The following DLGAP2 variants were observed in gnomAD, a reference collection of about 807,000 sequenced individuals.
The protein encoded by DLGAP2 is DLG associated protein 2.
Under a neutral mutation model 100.3 loss-of-function variants are expected in DLGAP2, and 26 were observed. The ratio of observed to expected loss-of-function variants is 0.26; its 90% CI spans 0.19 to 0.36. DLGAP2 has a LOEUF of 0.36. DLGAP2 is among the 10% of genes least tolerant of loss of function. The pLI is 1.00. For synonymous variants in DLGAP2, 886 were observed against 630.1 expected (o/e 1.41, Z -6.08); for missense variants, 1,858 against 1,453.2 (o/e 1.28, Z -4.53).
chr8:857,230 C>G (rs113554104), intron 1 of DLGAP2, among the ~76,000 whole-genome samples: 80 of 152,270 alleles, frequency 5.3e-4, no homozygotes, highest in African/African-American at 1.7e-3. Flanking sequence ...AAATGCAAAA[C>G]TATAAAAGTC....
chr8:1,169,217 C>G (rs992648175), intron 2 of DLGAP2, among the ~76,000 whole-genome samples: 10 of 152,056 alleles, frequency 6.6e-5, no homozygotes, highest in African/African-American at 2.4e-4. Flanking sequence ...TTTCTGAGGG[C>G]TCTGTTCTGT....
chr8:999,255 G>A (rs931176213), intron 2 of DLGAP2, among the ~76,000 whole-genome samples: 2 of 151,472 alleles, frequency 1.3e-5, no homozygotes, highest in Non-Finnish European at 2.9e-5. Flanking sequence ...TTTTCATTTG[G>A]TGTTGTCCTT....
At chr8:1,177,885 C>G (rs572486621) in intron 2 of DLGAP2, among the ~76,000 whole-genome samples, 10 of 152,338 alleles carry the variant, frequency 6.6e-5, no homozygotes, top group Admixed American at 3.9e-4. Flanking sequence ...GGCTCCCTTT[C>G]AGCATATGAA....
At chr8:1,229,908 A>G (rs1275376478) in intron 2 of DLGAP2, among the ~76,000 whole-genome samples, 1 of 152,202 alleles carries the variant, frequency 6.6e-6, no homozygotes, top group Non-Finnish European at 1.5e-5. Context: ...CCCACAGCCA[A>G]CATTAATACT....
intron 3 of DLGAP2, among the ~76,000 whole-genome samples, chr8:1,328,726 C>G (rs1367765675): frequency 3.9e-5 from 6 of 152,172 alleles, no homozygotes; most frequent in Non-Finnish European, 7.3e-5. Flanking sequence ...GACAGAACAA[C>G]AACCACAGCA....
chr8:1,685,072 T>A (rs1799079582), intron 12 of DLGAP2, among the ~76,000 whole-genome samples: 1 of 152,146 alleles, frequency 6.6e-6, no homozygotes, highest in Admixed American at 6.5e-5. Context: ...CAAGTCCTAT[T>A]AACACAAGAG....
chr8:1,610,033 C>A (rs1008945389), intron 6 of DLGAP2, among the ~76,000 whole-genome samples: 2 of 151,696 alleles, frequency 1.3e-5, no homozygotes, highest in Non-Finnish European at 2.9e-5. Flanking sequence ...CTGTACCAAG[C>A]GGACCTAATA....
intron 3 of DLGAP2, among the ~76,000 whole-genome samples, chr8:1,335,848 G>C (rs937149452): frequency 2.6e-5 from 4 of 152,232 alleles, no homozygotes; most frequent in African/African-American, 9.6e-5. Context: ...TGGCTAAAAG[G>C]AAACTAAGGG....
chr8:1,000,671 A>G (rs975353572), intron 2 of DLGAP2, among the ~76,000 whole-genome samples: 2 of 152,052 alleles, frequency 1.3e-5, no homozygotes, highest in African/African-American at 4.8e-5. Flanking sequence ...ACTGTCCGGT[A>G]TTACTGTTTG....
At chr8:1,287,898 T>TGA (rs1799976549) in intron 3 of DLGAP2, among the ~76,000 whole-genome samples, 1 of 148,006 alleles carries the variant, frequency 6.8e-6, no homozygotes, top group African/African-American at 2.5e-5. Context: ...TGTGTGTGTG[T>TGA]GTGTGTGGTT....
chr8:1,368,384 CAT>C (rs1802159641), intron 3 of DLGAP2, among the ~76,000 whole-genome samples: 1 of 151,808 alleles, frequency 6.6e-6, no homozygotes, highest in African/African-American at 2.4e-5. Flanking sequence ...TGCATATGTG[CAT>C]GTGTGTGGGT....
At chr8:1,626,933 C>G (rs1313466901) in intron 7 of DLGAP2, 46 bp downstream of exon 7, 1 of 1,550,704 alleles carries the variant, frequency 6.4e-7, no homozygotes, top group Admixed American at 1.9e-5. Context: ...GTCTCCCCAG[C>G]CAGGCTGGCA....
At chr8:1,420,292 C>G (rs908679927) in intron 3 of DLGAP2, among the ~76,000 whole-genome samples, 2 of 152,086 alleles carry the variant, frequency 1.3e-5, no homozygotes, top group Non-Finnish European at 2.9e-5. Flanking sequence ...CTTTATTGCC[C>G]TTATTACTTA....
intron 3 of DLGAP2, among the ~76,000 whole-genome samples, chr8:1,382,263 A>T (rs1449447627): frequency 1.3e-5 from 2 of 152,240 alleles, no homozygotes; most frequent in Non-Finnish European, 2.9e-5. Context: ...TTAAATGGAA[A>T]TGGATCACCA....
At chr8:1,155,225 T>G (rs184202136) in intron 2 of DLGAP2, among the ~76,000 whole-genome samples, 9 of 152,264 alleles carry the variant, frequency 5.9e-5, no homozygotes, top group African/African-American at 1.9e-4. Context: ...GCTGGATGAG[T>G]GAACAGATGC....
intron 1 of DLGAP2, among the ~76,000 whole-genome samples, chr8:869,040 T>C (rs1255818794): frequency 1.3e-5 from 2 of 152,258 alleles, no homozygotes; most frequent in African/African-American, 4.8e-5. Context: ...ACAGGCGTCC[T>C]GAGTACCAAG....
chr8:1,102,995 GTCTGTGGTTCCCTATGAGTCTCTGGAGTC>G (rs1405261201), intron 2 of DLGAP2, among the ~76,000 whole-genome samples: 10 of 151,762 alleles, frequency 6.6e-5, no homozygotes, highest in Non-Finnish European at 1.2e-4. Context: ...GTCTTCGTGA[GTCTGTGGTTCCCTATGAGTCTCTGGAGTC>G]TCTGTGGTTC....
chr8:1,535,895 A>G (rs562335126), intron 4 of DLGAP2, among the ~76,000 whole-genome samples: 1 of 152,250 alleles, frequency 6.6e-6, no homozygotes, highest in South Asian at 2.1e-4. Flanking sequence ...CTGTGGATGG[A>G]TGGTGTTGGT....
In DLGAP2 at chr8:1,565,898, A is replaced by T. The variant is rs1415328170; in HGVS notation, c.1442+4A>T. 6.3e-7 allele frequency: 1 copy of T among 1,592,494 alleles called. No homozygotes were observed. The highest frequency in any genetic ancestry group is 8.5e-7 in the Non-Finnish European group (1 of 1,169,720). On this transcript the variant is annotated splice_donor_region_variant and intron_variant, in intron 6 of 14. Coordinates refer to ENST00000637795, the MANE Select transcript of DLGAP2 (RefSeq NM_001346810.2). ...GACCGCTTGGAGAGCACCAGACGTAAGTGAGACCAGCTGCCTTCCCACTCC... is the reference window on the plus strand; with the variant it reads ...GACCGCTTGGAGAGCACCAGACGTATGTGAGACCAGCTGCCTTCCCACTCC...
Sources: gnomAD v4.1 joint callset for allele counts (sites outside exome capture counted in the v4.1 genomes callset) on GRCh38, gnomAD v4.1.1 for gene constraint, MANE v1.5 for transcripts, NCBI Gene and HGNC (gene_info 2026-07-23, HGNC 2026-07-21) for gene names.